SLC49A4: variants seen among roughly 807,000 people sequenced by gnomAD.
SLC49A4 encodes the protein solute carrier family 49 member 4.
In SLC49A4, 36 loss-of-function variants were observed where a neutral mutation model predicts 50.6. The observed-to-expected ratio is 0.71, with a 90% CI of 0.55 to 0.94. SLC49A4 has a LOEUF of 0.94. Among genes scored for constraint, SLC49A4 ranks in the 40% least tolerant of loss-of-function variants. The pLI is 0.00. For synonymous variants in SLC49A4, 248 were observed against 241.2 expected (o/e 1.03, Z -0.26); for missense variants, 503 against 605.7 (o/e 0.83, Z 1.78).
intron 4 of SLC49A4, among the ~76,000 whole-genome samples, chr3:122,839,171 G>C (rs1261844912): frequency 6.6e-6 from 1 of 152,066 alleles, no homozygotes; most frequent in Non-Finnish European, 1.5e-5. Flanking sequence ...AAATAGTTCT[G>C]GGAAAACTGG....
At chr3:122,875,400 G>A (rs1227952738) in intron 8 of SLC49A4, among the ~76,000 whole-genome samples, 3 of 152,102 alleles carry the variant, frequency 2.0e-5, no homozygotes, top group Non-Finnish European at 4.4e-5. Context: ...ACCCAGTCTG[G>A]AGTACAGTGG....
intron 1 of SLC49A4, among the ~76,000 whole-genome samples, chr3:122,804,138 G>A (rs149206529): frequency 6.6e-6 from 1 of 152,202 alleles, no homozygotes; most frequent in East Asian, 1.9e-4. Context: ...ATCCAGGGAG[G>A]CCACAGGAAG....
In SLC49A4 at chr3:122,827,113, A is replaced by G. The variant is rs748739969; in HGVS notation, c.703+48A>G. On this transcript the variant is annotated intron_variant, in intron 3 of 8. Transcript: ENST00000261038. The stretch of plus-strand genomic sequence containing the variant: ...CTTGTTATACTTTGTCTTTTATCTC[A>G]ATCATCTTCACTCTACTTTTTGTAT... 1.5e-5 allele frequency: 23 copies of G among 1,564,262 alleles called. No homozygotes were observed. In the South Asian group the frequency reaches 2.7e-4, roughly 18 times the overall value.
At chr3:122,861,711 A>C (rs1937059213) in intron 7 of SLC49A4, among the ~76,000 whole-genome samples, 1 of 152,244 alleles carries the variant, frequency 6.6e-6, no homozygotes, top group Non-Finnish European at 1.5e-5. Context: ...TTTCAAGGAC[A>C]GCCATTTATT....
intron 4 of SLC49A4, among the ~76,000 whole-genome samples, chr3:122,843,006 T>C (rs1936794633): frequency 6.6e-6 from 1 of 152,178 alleles, no homozygotes; most frequent in Non-Finnish European, 1.5e-5. Context: ...ACACATTTAC[T>C]CATCTACTTT....
intron 6 of SLC49A4, among the ~76,000 whole-genome samples, chr3:122,859,316 C>T (rs1457308379): frequency 6.6e-6 from 1 of 152,106 alleles, no homozygotes; most frequent in Non-Finnish European, 1.5e-5. Flanking sequence ...CATGGCCATC[C>T]AACTGGAGAA....
chr3:122,826,945 G>A lies in SLC49A4; in HGVS notation c.583G>A (p.Ala195Thr). 15 of 1,614,238 alleles carry A rather than the reference G, an allele frequency of 9.3e-6. No homozygotes were observed. The highest frequency in any genetic ancestry group is 1.3e-5 in the African/African-American group (1 of 75,060). ...IASMLSYLGGACAFLVGPLVV... is the reference protein window; with the variant it reads ...IASMLSYLGGTCAFLVGPLVV... ...ATCAATGCTCAGTTATCTTGGGGGAGCATGTGCATTTTTAGTTGGACCACT... is the reference window on the plus strand; with the variant it reads ...ATCAATGCTCAGTTATCTTGGGGGAACATGTGCATTTTTAGTTGGACCACT... The change falls in exon 3 of 9, where the codon GCA becomes ACA. Residue 195 changes from alanine to threonine, a missense_variant. Ala to Thr is a moderately conservative substitution (Grantham distance 58). Transcript: ENST00000261038.
chr3:122,822,413 T>A (rs1936466909), intron 2 of SLC49A4, among the ~76,000 whole-genome samples: 1 of 152,246 alleles, frequency 6.6e-6, no homozygotes, highest in Non-Finnish European at 1.5e-5. Flanking sequence ...TTCACTTCGC[T>A]AAGCTTATAT....
chr3:122,828,330 C>G (rs971669647), intron 3 of SLC49A4, among the ~76,000 whole-genome samples: 36 of 152,150 alleles, frequency 2.4e-4, no homozygotes, highest in African/African-American at 8.7e-4. Flanking sequence ...GAAGGAGCAC[C>G]TAACCCAGAT....
intron 3 of SLC49A4, among the ~76,000 whole-genome samples, chr3:122,828,668 A>G (rs1213595992): frequency 6.6e-6 from 1 of 152,236 alleles, no homozygotes; most frequent in Admixed American, 6.5e-5. Flanking sequence ...TGACATTTAC[A>G]TTTCAAAATA....
intron 5 of SLC49A4, among the ~76,000 whole-genome samples, chr3:122,848,896 A>G (rs935808277): frequency 4.6e-5 from 7 of 152,138 alleles, no homozygotes; most frequent in African/African-American, 1.7e-4. Context: ...TGTACTATCA[A>G]GTACTAGAAC....
intron 2 of SLC49A4, among the ~76,000 whole-genome samples, chr3:122,819,791 T>C (rs1459541700): frequency 6.6e-6 from 1 of 152,048 alleles, no homozygotes; most frequent in Admixed American, 6.5e-5. Flanking sequence ...TTTTGCCATT[T>C]TCAACATCAA....
intron 5 of SLC49A4, among the ~76,000 whole-genome samples, chr3:122,846,575 G>A (rs1284471229): frequency 2.6e-5 from 4 of 152,178 alleles, no homozygotes; most frequent in Non-Finnish European, 4.4e-5. Context: ...GAACTGCTGC[G>A]TATAGTATAT....
intron 2 of SLC49A4, among the ~76,000 whole-genome samples, chr3:122,814,836 G>A (rs1036110): frequency 0.76 from 114,986 of 151,774 alleles, 43,551 homozygotes; most frequent in East Asian, 0.82. Flanking sequence ...TCGTGTTAGT[G>A]TATTTTATGT....
At chr3:122,831,878 C>T (rs1936612909) in intron 3 of SLC49A4, among the ~76,000 whole-genome samples, 1 of 151,370 alleles carries the variant, frequency 6.6e-6, no homozygotes, top group Non-Finnish European at 1.5e-5. Context: ...TTCAGTATTA[C>T]TAATAATTAA....
intron 5 of SLC49A4, among the ~76,000 whole-genome samples, chr3:122,855,135 A>G (rs1936970456): frequency 6.6e-6 from 1 of 152,080 alleles, no homozygotes; most frequent in Admixed American, 6.5e-5. Flanking sequence ...ATATGACTCG[A>G]AAAACAACAA....
intron 5 of SLC49A4, among the ~76,000 whole-genome samples, chr3:122,852,291 C>T (rs1439595565): frequency 6.6e-6 from 1 of 152,162 alleles, no homozygotes; most frequent in African/African-American, 2.4e-5. Context: ...CACACCTGGC[C>T]TGTCTTTGGT....
At chr3:122,819,871 T>C (rs1035136588) in intron 2 of SLC49A4, among the ~76,000 whole-genome samples, 10 of 152,078 alleles carry the variant, frequency 6.6e-5, no homozygotes, top group African/African-American at 2.4e-4. Context: ...TAAGAGTTTA[T>C]TTTGATATGG....
At chr3:122,872,899 C>T (rs1937215165) in intron 8 of SLC49A4, among the ~76,000 whole-genome samples, 1 of 148,974 alleles carries the variant, frequency 6.7e-6, no homozygotes, top group South Asian at 2.2e-4. Flanking sequence ...CCACGCCTTA[C>T]CCTACCAGGT....
Sources: gnomAD v4.1 joint callset for allele counts (sites outside exome capture counted in the v4.1 genomes callset) on GRCh38, gnomAD v4.1.1 for gene constraint, MANE v1.5 for transcripts, NCBI Gene and HGNC (gene_info 2026-07-23, HGNC 2026-07-21) for gene names.